The following PDX1 variants were observed in gnomAD, a reference collection of about 807,000 sequenced individuals.
The protein encoded by PDX1 is pancreas/duodenum homeobox protein 1.
A neutral mutation model predicts 11.1 loss-of-function variants in PDX1; 7 were observed. The ratio of observed to expected loss-of-function variants is 0.63; its 90% CI spans 0.36 to 1.19. PDX1 has a LOEUF of 1.19. Ranked by LOEUF, PDX1 falls within the 50% of genes most tolerant of loss-of-function variation. The pLI is 0.02. For missense variants in PDX1, 449 were observed against 412.1 expected, an observed-to-expected ratio of 1.09 and a Z score of -0.78; for synonymous variants, 232 against 196.2, an observed-to-expected ratio of 1.18 and a Z score of -1.53.
rs1460570258 is a variant in PDX1 at position 27,920,345 on chromosome 13, G to T, written c.207G>T (p.Glu69Asp). Residue 69 changes from glutamate to aspartate, a missense_variant, in exon 1 of 2, where the codon GAG (glutamate) becomes GAT (aspartate). Physicochemically the swap from Glu to Asp is conservative, Grantham distance 45. This residue lies in a region of PDX1 where 263 missense variants were observed against 212.5 expected (regional missense o/e 1.24). Coordinates refer to ENST00000381033, the MANE Select transcript of PDX1 (RefSeq NM_000209.4). ...QGSPPDISPY[E>D]VPPLADDPAV... ...GCCCCCCGGACATCTCCCCGTACGA[G>T]GTGCCCCCCCTCGCCGACGACCCCG... is the stretch of plus-strand genomic sequence containing the variant. The T allele has an allele frequency of 6.5e-7, 1 of 1,541,864 alleles. No homozygotes were observed. The highest frequency in any genetic ancestry group is 2.5e-5 in the East Asian group (1 of 40,800).
rs1265360168 is a variant in PDX1 at position 27,924,613 on chromosome 13, C to T, written c.764C>T (p.Ala255Val). The stretch of plus-strand genomic sequence containing the variant: ...GCTGTGCCGCCCGCTGCCCCCGTTG[C>T]CGCCCGAGAGGGCCGCCTGCCGCCT... The part of the protein sequence containing the change: ...GGAVPPAAPV[A>V]AREGRLPPGL... The change falls in exon 2 of 2, where the codon GCC (alanine) becomes GTC (valine). Residue 255 changes from alanine (A) to valine (V), a missense_variant. Around this residue, in one of 3 missense-constraint regions of PDX1, gnomAD observed 139 missense variants for 121.4 expected, o/e 1.14. Transcript: ENST00000381033. This position sits in a 1 kb window ranked among gnomAD's most constrained non-coding sequence, Gnocchi z 4.8. The T allele has an allele frequency of 1.7e-5, 25 of 1,468,648 alleles. No individual in the cohort carries two copies. The highest frequency in any genetic ancestry group is 2.2e-5 in the Non-Finnish European group (25 of 1,115,692). 91.0% of individuals were successfully genotyped at this position (1,468,648 alleles called of 1,614,324 possible).
In PDX1 at chr13:27,920,036, G is replaced by T. The variant is rs1456098072; in HGVS notation, c.-103G>T. The T allele has an allele frequency of 5.7e-6, 8 of 1,405,174 alleles. No homozygotes were observed. Among genetic ancestry groups the T allele is most frequent in the Non-Finnish European group, 7.9e-6 (8 of 1,018,316 alleles). 87.0% of individuals were successfully genotyped at this position (1,405,174 alleles called of 1,614,324 possible). ...GGAGCTGTCAAAGCGAGCAGGGGTG[G>T]CGCCGGGAGTGGGAACGCCACACAG... On this transcript the variant is annotated 5_prime_UTR_variant, in exon 1 of 2. Transcript: ENST00000381033.
rs1260011545 is a variant in PDX1 at position 27,920,524 on chromosome 13, C to T, written c.386C>T (p.Ala129Val). 2 of 1,613,004 alleles carry T rather than the reference C, an allele frequency of 1.2e-6. No individual in the cohort carries two copies. The highest frequency in any genetic ancestry group is 1.7e-5 in the Admixed American group (1 of 60,016). ...TGGATGAAGTCTACCAAAGCTCACG[C>T]GTGGAAAGGCCAGTGGGCAGGTAAG... Reference protein sequence around the residue: ...FPWMKSTKAHAWKGQWAGGAY... With the variant: ...FPWMKSTKAHVWKGQWAGGAY... Residue 129 changes from alanine (A) to valine (V), a missense_variant, in exon 1 of 2, where the codon GCG becomes GTG. By Grantham distance (64) the Ala-to-Val change is moderately conservative. Around this residue, in one of 3 missense-constraint regions of PDX1, gnomAD observed 263 missense variants for 212.5 expected, o/e 1.24. Coordinates refer to ENST00000381033, the MANE Select transcript of PDX1 (RefSeq NM_000209.4).
rs1248717144 is a variant in PDX1, at chr13:27,924,050, A to T, written c.407-206A>T. Among the ~76,000 whole-genome samples the T allele has an allele frequency of 6.6e-6, 1 of 152,242 alleles. No homozygotes were observed. Among genetic ancestry groups the T allele is most frequent in the East Asian group, 1.9e-4 (1 of 5,194 alleles). On this transcript the variant is annotated intron_variant, in intron 1 of 1. Transcript: ENST00000381033. This position sits in a 1 kb window ranked among gnomAD's most constrained non-coding sequence, Gnocchi z 4.8. ...GAGTTTGGTCTCCAATAAAAAGGCT[A>T]TCTTTATTAGGAAGGGCTTGAGTTA...
Position 27,924,175 on chromosome 13 carries a change from C to A in PDX1, c.407-81C>A. On this transcript the variant is annotated intron_variant, in intron 1 of 1. Transcript: ENST00000381033. The surrounding 1 kb of genome is among the most constrained non-coding windows in gnomAD (Gnocchi z 4.8). ...GCTGGTAGGGCTAGGGCTCCCTGGC[C>A]CCCCTTGAAGGGGTTGGGCTGCGTG... 2 of 1,253,866 alleles carry A rather than the reference C, an allele frequency of 1.6e-6. No individual in the cohort carries two copies. The highest frequency in any genetic ancestry group is 1.1e-6 in the Non-Finnish European group (1 of 929,718). 77.7% of individuals were successfully genotyped at this position (1,253,866 alleles called of 1,614,324 possible).
At position 27,920,262 on chromosome 13, in the gene PDX1, C is replaced by T. The variant is rs1188694060; in HGVS notation, c.124C>T (p.Pro42Ser). Reference protein sequence around the residue: ...PPACLYMGRQPPPPPPHPFPG... With the variant: ...PPACLYMGRQSPPPPPHPFPG... The stretch of plus-strand genomic sequence containing the variant: ...TGCGTGCCTGTACATGGGCCGCCAG[C>T]CCCCGCCGCCGCCGCCGCACCCGTT... The change falls in exon 1 of 2, where the codon CCC becomes TCC. Residue 42 changes from proline (P) to serine (S), a missense_variant. Pro to Ser is a moderately conservative substitution (Grantham distance 74). Around this residue, in one of 3 missense-constraint regions of PDX1, gnomAD observed 263 missense variants for 212.5 expected, o/e 1.24. Transcript: ENST00000381033. 3.9e-6 allele frequency: 6 copies of T among 1,542,028 alleles called. No homozygotes were observed. In the East Asian group the frequency reaches 1.2e-4, roughly 32 times the overall value.
At position 27,924,628 on chromosome 13, in the gene PDX1, G is replaced by T; in HGVS notation, c.779G>T (p.Arg260Leu). Residue 260 changes from arginine (R) to leucine (L), a missense_variant, in exon 2 of 2, where the codon CGC (arginine) becomes CTC (leucine). Around this residue, in one of 3 missense-constraint regions of PDX1, gnomAD observed 139 missense variants for 121.4 expected, o/e 1.14. Transcript: ENST00000381033. This position sits in a 1 kb window ranked among gnomAD's most constrained non-coding sequence, Gnocchi z 4.8. ...PAAPVAAREGRLPPGLSASPQ... is the reference protein window; with the variant it reads ...PAAPVAAREGLLPPGLSASPQ... Reference sequence around the variant, plus strand: ...GCCCCCGTTGCCGCCCGAGAGGGCCGCCTGCCGCCTGGCCTTAGCGCGTCG... The same window carrying T: ...GCCCCCGTTGCCGCCCGAGAGGGCCTCCTGCCGCCTGGCCTTAGCGCGTCG... 3 of 1,472,546 alleles carry T rather than the reference G, an allele frequency of 2.0e-6. No individual in the cohort carries two copies. Among genetic ancestry groups the T allele is most frequent in the Non-Finnish European group, 2.7e-6 (3 of 1,117,772 alleles). 91.2% of individuals were successfully genotyped at this position (1,472,546 alleles called of 1,614,324 possible).
rs1390041324 is a variant in PDX1 at position 27,925,489 on chromosome 13, T to C, written c.*788T>C. ...CTCTTCTTCTCCCTCCTCTTCCTCT[T>C]CCTCCTCTTCCACGTGCTCTCCTTT... On this transcript the variant is annotated 3_prime_UTR_variant, in exon 2 of 2. Transcript: ENST00000381033. 1 of 155,720 alleles carries C rather than the reference T, an allele frequency of 6.4e-6. No individual in the cohort carries two copies. The highest frequency in any genetic ancestry group is 1.3e-5 in the Non-Finnish European group (1 of 78,084). The allele number at this position is 155,720 out of a possible 1,614,324, so 9.6% of individuals were successfully genotyped here. A position where few individuals can be genotyped will look rare whatever the true frequency, so the allele number is the denominator to read the frequency against.
rs1398444348 is a variant in PDX1, at chr13:27,920,095, G to A, written c.-44G>A. The A allele has an allele frequency of 6.5e-7, 1 of 1,544,438 alleles. No homozygotes were observed. The highest frequency in any genetic ancestry group is 8.7e-7 in the Non-Finnish European group (1 of 1,143,026). On this transcript the variant is annotated 5_prime_UTR_variant, in exon 1 of 2. Coordinates refer to ENST00000381033, the MANE Select transcript of PDX1 (RefSeq NM_000209.4). ...CCCCGGCTCCAGCTCCCGACTCCCG[G>A]CTCCCGGCTCCCGGCTCCCGGTGCC... is the stretch of plus-strand genomic sequence containing the variant.
chr13:27,920,169 A>G lies in PDX1; in HGVS notation c.31A>G (p.Thr11Ala). ...CGGCGAGGAGCAGTACTACGCGGCC[A>G]CGCAGCTTTACAAGGACCCATGCGC... MNGEEQYYAA[T>A]QLYKDPCAFQ... Residue 11 changes from threonine to alanine, a missense_variant, in exon 1 of 2, where the codon ACG (threonine) becomes GCG (alanine). Physicochemically the swap from Thr to Ala is moderately conservative, Grantham distance 58. Transcript: ENST00000381033. 1 of 1,549,906 alleles carries G rather than the reference A, an allele frequency of 6.5e-7. No homozygotes were observed. Among genetic ancestry groups the G allele is most frequent in the Admixed American group, 2.0e-5 (1 of 51,026 alleles).
In PDX1 at chr13:27,920,239, C is replaced by T. The variant is rs750219172; in HGVS notation, c.101C>T (p.Ala34Val). ...PAPEFSASPP[A>V]CLYMGRQPPP... The stretch of plus-strand genomic sequence containing the variant: ...CCGGAGTTCAGCGCCAGCCCCCCTG[C>T]GTGCCTGTACATGGGCCGCCAGCCC... The change falls in exon 1 of 2, where the codon GCG (alanine) becomes GTG (valine). Residue 34 changes from alanine to valine, a missense_variant. Ala to Val is a moderately conservative substitution (Grantham distance 64). Coordinates refer to ENST00000381033, the MANE Select transcript of PDX1 (RefSeq NM_000209.4). 1.4e-5 allele frequency: 21 copies of T among 1,547,782 alleles called. No individual in the cohort carries two copies. The Admixed American group carries it at 3.9e-4, about 29-fold the overall frequency.
rs371525768 is a variant in PDX1, at chr13:27,924,546, G to A, written c.697G>A (p.Glu233Lys). 8 of 1,577,248 alleles carry A rather than the reference G, an allele frequency of 5.1e-6. No individual in the cohort carries two copies. The Admixed American group carries it at 9.0e-5, about 18-fold the overall frequency. ...GCAGGACTGCGCCGTGACCTCCGGC[G>A]AGGAGCTTCTGGCGCTGCCGCCGCC... ...PEQDCAVTSG[E>K]ELLALPPPPP... Residue 233 changes from glutamate to lysine, a missense_variant, in exon 2 of 2, where the codon GAG becomes AAG. Glu to Lys is a moderately conservative substitution (Grantham distance 56, BLOSUM62 1). Around this residue, in one of 3 missense-constraint regions of PDX1, gnomAD observed 139 missense variants for 121.4 expected, o/e 1.14. Coordinates refer to ENST00000381033, the MANE Select transcript of PDX1 (RefSeq NM_000209.4). The surrounding 1 kb of genome is among the most constrained non-coding windows in gnomAD (Gnocchi z 4.8).
chr13:27,924,128 C>T lies in PDX1; in HGVS notation c.407-128C>T. ...TAGGCGCTGAAATGGGATGCTGGGGCTTGGTGGCTCCGGCGGGAGCAGCTG... is the reference window on the plus strand; with the variant it reads ...TAGGCGCTGAAATGGGATGCTGGGGTTTGGTGGCTCCGGCGGGAGCAGCTG... On this transcript the variant is annotated intron_variant, in intron 1 of 1. Coordinates refer to ENST00000381033, the MANE Select transcript of PDX1 (RefSeq NM_000209.4). This position sits in a 1 kb window ranked among gnomAD's most constrained non-coding sequence, Gnocchi z 4.8. The T allele has an allele frequency of 1.3e-6, 1 of 745,206 alleles. No homozygotes were observed. Among genetic ancestry groups the T allele is most frequent in the Non-Finnish European group, 2.1e-6 (1 of 479,354 alleles). 46.2% of individuals were successfully genotyped at this position (745,206 alleles called of 1,614,324 possible).
At chr13:27,922,723 C>T (rs963725010) in intron 1 of PDX1, among the ~76,000 whole-genome samples, 1 of 152,186 alleles carries the variant, frequency 6.6e-6, no homozygotes, top group South Asian at 2.1e-4. Flanking sequence ...GGAAGTCTCT[C>T]CCTGAGCAGT....
chr13:27,922,913 C>A (rs952544353), intron 1 of PDX1, among the ~76,000 whole-genome samples: 2 of 152,170 alleles, frequency 1.3e-5, no homozygotes, highest in Non-Finnish European at 2.9e-5. Flanking sequence ...TCGGGGATGC[C>A]CCCAGGGAGT....
chr13:27,923,322 C>A (rs1248777848), intron 1 of PDX1, among the ~76,000 whole-genome samples: 1 of 152,228 alleles, frequency 6.6e-6, no homozygotes, highest in Non-Finnish European at 1.5e-5. Context: ...CCACCTCCTC[C>A]GTAGGGCTGT....
rs1291256558 is a variant in PDX1, at chr13:27,920,193, G to C, written c.55G>C (p.Ala19Pro). The change falls in exon 1 of 2, where the codon GCG becomes CCG. Residue 19 changes from alanine (A) to proline (P), a missense_variant. By Grantham distance (27) the Ala-to-Pro change is conservative. This residue lies in a region of PDX1 where 263 missense variants were observed against 212.5 expected (regional missense o/e 1.24). Coordinates refer to ENST00000381033, the MANE Select transcript of PDX1 (RefSeq NM_000209.4). ...CACGCAGCTTTACAAGGACCCATGC[G>C]CGTTCCAGCGAGGCCCGGCGCCGGA... ...AATQLYKDPC[A>P]FQRGPAPEFS... 4 of 1,549,762 alleles carry C rather than the reference G, an allele frequency of 2.6e-6. No homozygotes were observed. In the African/African-American group the frequency reaches 5.5e-5, roughly 21 times the overall value.
chr13:27,920,630 T>G, intron 1 of PDX1, 86 bp downstream of exon 1: 1 of 1,394,828 alleles, frequency 7.2e-7, no homozygotes, highest in Non-Finnish European at 1.0e-6. Context: ...CTTCTCTCTG[T>G]TCCCGGCGCC....
At chr13:27,923,846 A>G (rs1291449053) in intron 1 of PDX1, among the ~76,000 whole-genome samples, 2 of 152,204 alleles carry the variant, frequency 1.3e-5, no homozygotes, top group East Asian at 3.9e-4. Context: ...GGTCACCATC[A>G]GGAGGTTTTT....
Sources: gnomAD v4.1 joint callset for allele counts (sites outside exome capture counted in the v4.1 genomes callset) on GRCh38, gnomAD v4.1.1 for gene constraint, gnomAD v4.1.1 regional missense constraint, Gnocchi (gnomAD v3.1) non-coding constraint, MANE v1.5 for transcripts, NCBI Gene and HGNC (gene_info 2026-07-23, HGNC 2026-07-21) for gene names.